Variants in USP46 observed in about 807,000 individuals in gnomAD.
USP46 encodes ubiquitin carboxyl-terminal hydrolase 46.
USP46 carries 12 observed loss-of-function variants against 44.4 expected under a neutral mutation model. The observed-to-expected ratio is 0.27, with a 90% CI of 0.17 to 0.44. The LOEUF is 0.44. USP46 is among the 20% of genes least tolerant of loss of function. The pLI is 1.00. For synonymous variants in USP46, 155 were observed against 161.5 expected (o/e 0.96, Z 0.31); for missense variants, 248 against 444.8 (o/e 0.56, Z 3.98).
At chr4:52,656,573 C>T in intron 1 of USP46, 3 of 1,339,606 alleles carry the variant, frequency 2.2e-6, no homozygotes, top group Non-Finnish European at 2.9e-6. Flanking sequence ...CCTTAAACAC[C>T]TGGTAGATGA....
At chr4:52,632,668 A>G (rs2109639410) in intron 1 of USP46, among the ~76,000 whole-genome samples, 1 of 151,798 alleles carries the variant, frequency 6.6e-6, no homozygotes, top group East Asian at 1.9e-4. Context: ...CAAAAAATAT[A>G]AAACTTAGCA....
chr4:52,609,454 C>T (rs1267204570), intron 5 of USP46, among the ~76,000 whole-genome samples: 1 of 152,158 alleles, frequency 6.6e-6, no homozygotes, highest in Non-Finnish European at 1.5e-5. Context: ...AGAGCCCACC[C>T]TTCCCTTATC....
intron 4 of USP46, among the ~76,000 whole-genome samples, chr4:52,615,121 C>T (rs563639917): frequency 5.3e-5 from 8 of 151,702 alleles, no homozygotes; most frequent in Non-Finnish European, 1.2e-4. Flanking sequence ...AACAGAAGAA[C>T]AAAAAATAGA....
chr4:52,651,887 T>C (rs1718782269), intron 1 of USP46, among the ~76,000 whole-genome samples: 1 of 152,320 alleles, frequency 6.6e-6, no homozygotes, highest in East Asian at 1.9e-4. Flanking sequence ...TACTCTATTA[T>C]CTTTTTGTTA....
intron 4 of USP46, 74 bp downstream of exon 4, chr4:52,625,944 C>A: frequency 7.4e-7 from 1 of 1,353,122 alleles, no homozygotes; most frequent in Non-Finnish European, 1.0e-6. Flanking sequence ...TATAATACGA[C>A]ATTGCAATCA....
intron 1 of USP46, among the ~76,000 whole-genome samples, chr4:52,640,881 T>C (rs922703063): frequency 6.6e-6 from 1 of 150,668 alleles, no homozygotes; most frequent in Non-Finnish European, 1.5e-5. Context: ...TGCAAACCAG[T>C]TGCCTAAGGC....
chr4:52,650,881 G>A (rs977785128), intron 1 of USP46: 4 of 151,978 alleles, frequency 2.6e-5, no homozygotes, highest in Non-Finnish European at 5.9e-5. Flanking sequence ...GGCGGATCAC[G>A]AGGTCAAGAG....
intron 1 of USP46, chr4:52,658,035 T>C: frequency 2.9e-6 from 1 of 348,564 alleles, no homozygotes; most frequent in Non-Finnish European, 5.8e-6. Context: ...TAGGGGCCAG[T>C]ATTACTAGCT....
intron 4 of USP46, among the ~76,000 whole-genome samples, chr4:52,618,564 C>A (rs1333733314): frequency 2.6e-5 from 4 of 152,200 alleles, no homozygotes; most frequent in African/African-American, 9.6e-5. Flanking sequence ...CAGAGAGAGA[C>A]CCTAACTCTA....
intron 4 of USP46, among the ~76,000 whole-genome samples, chr4:52,622,749 C>T (rs537582805): frequency 7.0e-4 from 106 of 152,306 alleles, no homozygotes; most frequent in African/African-American, 2.4e-3. Flanking sequence ...AGGCCTCTCT[C>T]GGGTTTTAAC....
rs1166478453 is a variant in USP46, at chr4:52,591,275, G to T, written c.*6365C>A. The T allele has an allele frequency of 6.6e-6, 1 of 152,210 alleles. No individual in the cohort carries two copies. The highest frequency in any genetic ancestry group is 1.5e-5 in the Non-Finnish European group (1 of 68,042). 9.4% of individuals were successfully genotyped at this position (152,210 alleles called of 1,614,324 possible). A position where few individuals can be genotyped will look rare whatever the true frequency, so the allele number is the denominator to read the frequency against. On this transcript the variant is annotated 3_prime_UTR_variant, in exon 9 of 9. Coordinates refer to ENST00000441222, the MANE Select transcript of USP46 (RefSeq NM_022832.4). ...TGCATTGGATTCCAGAGGAGGACTTGATCAAATACACAGAAATAGTGGCTT... is the reference window on the plus strand; with the variant it reads ...TGCATTGGATTCCAGAGGAGGACTTTATCAAATACACAGAAATAGTGGCTT...
chr4:52,611,875 G>GT (rs1716943416), intron 4 of USP46, among the ~76,000 whole-genome samples: 1 of 152,104 alleles, frequency 6.6e-6, no homozygotes, highest in African/African-American at 2.4e-5. Context: ...GGGTGACACA[G>GT]TGAGACCCTG....
chr4:52,656,413 G>C, intron 1 of USP46: 1 of 1,107,112 alleles, frequency 9.0e-7, no homozygotes, highest in South Asian at 1.5e-5. Flanking sequence ...TGGGAAGGAA[G>C]ACTGGGAGGG....
chr4:52,655,028 A>G (rs962624145), intron 1 of USP46, among the ~76,000 whole-genome samples: 1 of 152,230 alleles, frequency 6.6e-6, no homozygotes, highest in African/African-American at 2.4e-5. Flanking sequence ...AATGGTGCAG[A>G]TTTCAATTCT....
rs1331291328 is a variant in USP46, at chr4:52,591,977, G to GTGT, written c.*5660_*5662dup. 1 of 152,168 alleles carries GTGT rather than the reference G, an allele frequency of 6.6e-6. No individual in the cohort carries two copies. Among genetic ancestry groups the GTGT allele is most frequent in the Non-Finnish European group, 1.5e-5 (1 of 68,030 alleles). 9.4% of individuals were successfully genotyped at this position (152,168 alleles called of 1,614,324 possible). A position where few individuals can be genotyped will look rare whatever the true frequency, so the allele number is the denominator to read the frequency against. On this transcript the variant is annotated 3_prime_UTR_variant, in exon 9 of 9. Transcript: ENST00000441222. ...CGATTTATACTTTGTTTTTCAAAAT[G>GTGT]TGTTGTCCCTGAGCTAGAAGGCAGG...
At chr4:52,618,691 G>A (rs1717259044) in intron 4 of USP46, among the ~76,000 whole-genome samples, 1 of 152,184 alleles carries the variant, frequency 6.6e-6, no homozygotes. Context: ...AAATGTGCTG[G>A]CTTTAAAAGG....
rs1560406346 is a variant in USP46 at position 52,633,003 on chromosome 4, AAAG to A, written c.37-1862_37-1860del. Reference sequence around the variant, plus strand: ...AAGAAAGAAAAGAAAAGAAAGAAAGAAAGAAAGAAAGAAAGAAAGAAAGAAAAA... The same window carrying A: ...AAGAAAGAAAAGAAAAGAAAGAAAGAAAAGAAAGAAAGAAAGAAAGAAAAA... On this transcript the variant is annotated intron_variant, in intron 1 of 8. Coordinates refer to ENST00000441222, the MANE Select transcript of USP46 (RefSeq NM_022832.4). Among the ~76,000 whole-genome samples the A allele has an allele frequency of 6.1e-4, 75 of 122,274 alleles. 3 individuals are homozygous for A. Among genetic ancestry groups the A allele is most frequent in the East Asian group, 4.4e-3 (19 of 4,320 alleles). The allele number at this position is 122,274 out of a possible 152,430, so 80.2% of individuals were successfully genotyped here. A position where few individuals can be genotyped will look rare whatever the true frequency, so the allele number is the denominator to read the frequency against.
intron 1 of USP46, chr4:52,658,384 A>C (rs1719036510): frequency 4.8e-6 from 2 of 412,984 alleles, no homozygotes; most frequent in Non-Finnish European, 9.8e-6. Flanking sequence ...GGCTGTATCC[A>C]TGCCCGCCAG....
intron 4 of USP46, 130 bp downstream of exon 4, chr4:52,625,888 G>T: frequency 1.1e-6 from 1 of 934,312 alleles, no homozygotes; most frequent in South Asian, 1.8e-5. Context: ...AGTTTCATAT[G>T]CATAAATAGG....
Sources: gnomAD v4.1 joint callset for allele counts (sites outside exome capture counted in the v4.1 genomes callset) on GRCh38, gnomAD v4.1.1 for gene constraint, MANE v1.5 for transcripts, NCBI Gene and HGNC (gene_info 2026-07-23, HGNC 2026-07-21) for gene names.